Variants in ZFYVE9 observed in about 807,000 individuals in gnomAD.
The protein encoded by ZFYVE9 is zinc finger FYVE-type containing 9, also known as zinc finger FYVE domain-containing protein 9.
ZFYVE9 carries 43 observed loss-of-function variants against 126.7 expected under a neutral mutation model. The ratio of observed to expected loss-of-function variants is 0.34; its 90% CI spans 0.27 to 0.44. The LOEUF (loss-of-function observed/expected upper bound fraction) is 0.44. Ranked by LOEUF, ZFYVE9 falls within the 20% of genes least tolerant of loss-of-function variation. The probability of loss-of-function intolerance (pLI) is 1.00; values close to 1 mark genes in which losing one functional copy is unlikely to be tolerated. For synonymous variants in ZFYVE9, 521 were observed against 597.4 expected (o/e 0.87, Z 1.87); for missense variants, 1,476 against 1,697.0 (o/e 0.87, Z 2.29).
intron 10 of ZFYVE9, among the ~76,000 whole-genome samples, chr1:52,284,481 G>T (rs191947397): frequency 1.3e-5 from 2 of 151,526 alleles, no homozygotes; most frequent in African/African-American, 4.8e-5. Flanking sequence ...GTGCAGTGGC[G>T]CTATCTCAGC....
At chr1:52,305,611 C>T (rs1270205182) in intron 13 of ZFYVE9, among the ~76,000 whole-genome samples, 7 of 152,072 alleles carry the variant, frequency 4.6e-5, no homozygotes, top group Admixed American at 4.6e-4. Flanking sequence ...GGGAGCCCCA[C>T]CCCTTCCGAG....
chr1:52,332,456 A>G (rs546843779), intron 13 of ZFYVE9, among the ~76,000 whole-genome samples: 1 of 150,868 alleles, frequency 6.6e-6, no homozygotes, highest in East Asian at 2.0e-4. Flanking sequence ...AGTATATAGG[A>G]GAAACTACAA....
intron 3 of ZFYVE9, among the ~76,000 whole-genome samples, chr1:52,234,087 C>T (rs1401362618): frequency 1.3e-5 from 2 of 152,134 alleles, no homozygotes; most frequent in Non-Finnish European, 2.9e-5. Flanking sequence ...GGCCAAGATT[C>T]ACTTCTATTT....
At chr1:52,205,551 T>A (rs978276927) in intron 1 of ZFYVE9, among the ~76,000 whole-genome samples, 6 of 151,012 alleles carry the variant, frequency 4.0e-5, no homozygotes, top group Admixed American at 3.3e-4. Context: ...TTTTTTTTTT[T>A]AAATAGAGAC....
rs1572051404 is a variant in ZFYVE9, at chr1:52,142,107, C to T, written c.-439C>T. 1 of 151,244 alleles carries T rather than the reference C, an allele frequency of 6.6e-6. No individual in the cohort carries two copies. Among genetic ancestry groups the T allele is most frequent in the Non-Finnish European group, 1.5e-5 (1 of 67,672 alleles). The allele number at this position is 151,244 out of a possible 1,614,324, so 9.4% of individuals were successfully genotyped here. A position where few individuals can be genotyped will look rare whatever the true frequency, so the allele number is the denominator to read the frequency against. On this transcript the variant is annotated 5_prime_UTR_variant, in exon 1 of 19. Transcript: ENST00000287727. This position sits in a 1 kb window ranked among gnomAD's most constrained non-coding sequence, Gnocchi z 4.5. Reference sequence around the variant, plus strand: ...AGCGGCCACCCGACGCTGGAGGCTTCGCTGAGGATCCCCGCCTGCCGCACC... The same window carrying T: ...AGCGGCCACCCGACGCTGGAGGCTTTGCTGAGGATCCCCGCCTGCCGCACC...
chr1:52,275,320 T>C (rs532241179), intron 8 of ZFYVE9, among the ~76,000 whole-genome samples: 5 of 152,304 alleles, frequency 3.3e-5, no homozygotes, highest in African/African-American at 1.2e-4. Context: ...TCTATGTCTT[T>C]GTTATTGTGA....
At chr1:52,317,048 T>G (rs548954622) in intron 13 of ZFYVE9, among the ~76,000 whole-genome samples, 2 of 152,202 alleles carry the variant, frequency 1.3e-5, no homozygotes, top group African/African-American at 4.8e-5. Flanking sequence ...CTCTAGAAAA[T>G]TCCCAAATAT....
chr1:52,251,062 GT>G (rs770347757), intron 4 of ZFYVE9, among the ~76,000 whole-genome samples: 1 of 143,740 alleles, frequency 7.0e-6, no homozygotes, highest in Non-Finnish European at 1.5e-5. Flanking sequence ...TGTTGTTGTT[GT>G]TTGTTTGTTT....
At chr1:52,335,998 G>A (rs1286458129) in intron 15 of ZFYVE9, among the ~76,000 whole-genome samples, 1 of 152,162 alleles carries the variant, frequency 6.6e-6, no homozygotes, top group African/African-American at 2.4e-5. Flanking sequence ...GCCAAGCGTG[G>A]TGGCGCATGC....
chr1:52,187,972 C>T (rs1408089466), intron 1 of ZFYVE9, among the ~76,000 whole-genome samples: 1 of 152,234 alleles, frequency 6.6e-6, no homozygotes, highest in East Asian at 1.9e-4. Flanking sequence ...AATCCCATTA[C>T]TGGGTATATA....
In ZFYVE9 at chr1:52,144,564, A is replaced by T. The variant is rs117235529; in HGVS notation, c.-143+2161A>T. Reference sequence around the variant, plus strand: ...AGTTTAAAATTAACTAACCTTGCTGAGCCGAAGGAAGGTGTCTATTTTCTA... The same window carrying T: ...AGTTTAAAATTAACTAACCTTGCTGTGCCGAAGGAAGGTGTCTATTTTCTA... On this transcript the variant is annotated intron_variant, in intron 1 of 18. Coordinates refer to ENST00000287727, the MANE Select transcript of ZFYVE9 (RefSeq NM_004799.4). Among the ~76,000 whole-genome samples the T allele has an allele frequency of 6.8e-4, 104 of 152,128 alleles. 2 individuals are homozygous for T. In the East Asian group the frequency reaches 0.018, roughly 26 times the overall value.
Position 52,174,917 on chromosome 1 carries a change from G to T in ZFYVE9, c.-143+32514G>T, listed in dbSNP as rs1044664800. ...GTGTGTCTGTGCACGTGAGATGGGT[G>T]TCCTGAATACAGCACACTGATGGGT... On this transcript the variant is annotated intron_variant, in intron 1 of 18. Transcript: ENST00000287727. Among the ~76,000 whole-genome samples, 29 of 152,054 alleles carry T rather than the reference G, an allele frequency of 1.9e-4. 1 individual carries two copies. Among genetic ancestry groups the T allele is most frequent in the Admixed American group, 1.8e-3 (28 of 15,264 alleles).
intron 1 of ZFYVE9, among the ~76,000 whole-genome samples, chr1:52,208,648 C>T (rs976630947): frequency 6.6e-6 from 1 of 152,112 alleles, no homozygotes; most frequent in Non-Finnish European, 1.5e-5. Flanking sequence ...ATTCTCCTGC[C>T]TTAGCCTCCT....
intron 1 of ZFYVE9, among the ~76,000 whole-genome samples, chr1:52,197,688 T>C (rs1399327859): frequency 6.9e-6 from 1 of 143,962 alleles, no homozygotes; most frequent in African/African-American, 2.6e-5. Context: ...ATCTAATAAT[T>C]GAATGTTGCT....
chr1:52,264,585 A>G (rs984571870), intron 5 of ZFYVE9, among the ~76,000 whole-genome samples: 12 of 152,170 alleles, frequency 7.9e-5, no homozygotes, highest in African/African-American at 2.4e-4. Context: ...AGGTTATAGT[A>G]TTTTCTCTTT....
intron 1 of ZFYVE9, among the ~76,000 whole-genome samples, chr1:52,195,817 G>C (rs557080980): frequency 1.3e-3 from 201 of 150,910 alleles, no homozygotes; most frequent in African/African-American, 4.6e-3. Context: ...CTCCAAGGCA[G>C]AGTCTCACTC....
At position 52,160,660 on chromosome 1, in the gene ZFYVE9, T is replaced by C; in HGVS notation, c.-143+18257T>C. The C allele has an allele frequency of 5.0e-6, 3 of 598,402 alleles. No individual in the cohort carries two copies. The South Asian group carries it at 6.8e-5, about 14-fold the overall frequency. The allele number at this position is 598,402 out of a possible 1,614,324, so 37.1% of individuals were successfully genotyped here. ...TGATCTCCTGACCTCGTGATCCGCC[T>C]GCGTCGGCCTCCTGCAGTGCTGGGA... On this transcript the variant is annotated intron_variant, in intron 1 of 18. Coordinates refer to ENST00000287727, the MANE Select transcript of ZFYVE9 (RefSeq NM_004799.4).
chr1:52,191,607 A>G (rs1644817230), intron 1 of ZFYVE9, among the ~76,000 whole-genome samples: 1 of 152,232 alleles, frequency 6.6e-6, no homozygotes, highest in African/African-American at 2.4e-5. Flanking sequence ...GATGGGTTAG[A>G]TATTATCCCC....
intron 1 of ZFYVE9, among the ~76,000 whole-genome samples, chr1:52,175,384 T>G (rs907520510): frequency 1.3e-5 from 2 of 151,986 alleles, no homozygotes; most frequent in Non-Finnish European, 2.9e-5. Context: ...GCTGTTAGTC[T>G]GATGGGCTTC....
Sources: gnomAD v4.1 joint callset for allele counts (sites outside exome capture counted in the v4.1 genomes callset) on GRCh38, gnomAD v4.1.1 for gene constraint, Gnocchi (gnomAD v3.1) non-coding constraint, MANE v1.5 for transcripts, NCBI Gene and HGNC (gene_info 2026-07-23, HGNC 2026-07-21) for gene names.